PALLD: variants seen among roughly 807,000 people sequenced by gnomAD.
PALLD encodes the protein palladin, cytoskeletal associated protein, also known as palladin.
PALLD carries 61 observed loss-of-function variants against 123.5 expected under a neutral mutation model. The ratio of observed to expected loss-of-function variants is 0.49; its 90% CI spans 0.40 to 0.61. PALLD has a LOEUF of 0.61. Ranked by LOEUF, PALLD falls within the 20% of genes least tolerant of loss-of-function variation. The pLI is 0.00. For missense variants in PALLD, 1,273 were observed against 1,377.0 expected (o/e 0.92, Z 1.20); for synonymous variants, 465 against 496.4 (o/e 0.94, Z 0.84).
chr4:168,619,088 G>C (rs976501464), intron 2 of PALLD, among the ~76,000 whole-genome samples: 4 of 152,188 alleles, frequency 2.6e-5, no homozygotes, highest in Admixed American at 6.5e-5. Flanking sequence ...GTCTGTATCA[G>C]GCACTGAGCT....
intron 2 of PALLD, among the ~76,000 whole-genome samples, chr4:168,578,166 C>G (rs755572404): frequency 1.3e-5 from 2 of 152,042 alleles, no homozygotes; most frequent in East Asian, 3.9e-4. Context: ...AGCAATTTCC[C>G]TGGACATACA....
rs141805529 is a variant in PALLD, at chr4:168,834,862, GTTGCATTT to G, written c.1965-56046_1965-56039del. 8.2e-3 allele frequency among the ~76,000 whole-genome samples: 1,254 copies of G among 152,318 alleles called. 54 individuals carry two copies. The East Asian group carries it at 0.14, about 17-fold the overall frequency. On this transcript the variant is annotated intron_variant, in intron 10 of 21. Coordinates refer to ENST00000505667, the MANE Select transcript of PALLD (RefSeq NM_001166108.2). ...ATTATTTGGACTACCTTTGAGGGTA[GTTGCATTT>G]TTGCATTTTTGCAAAATATTATTTT... is the stretch of plus-strand genomic sequence containing the variant.
intron 3 of PALLD, among the ~76,000 whole-genome samples, chr4:168,671,692 G>A (rs1449068107): frequency 6.6e-6 from 1 of 152,150 alleles, no homozygotes; most frequent in Non-Finnish European, 1.5e-5. Flanking sequence ...AAGTGGGAGA[G>A]AACCTCAGAT....
In PALLD at chr4:168,533,381, A is replaced by G. The variant is rs1280325153; in HGVS notation, c.908+20969A>G. The stretch of plus-strand genomic sequence containing the variant: ...GGAAGAACCTACAGTAATAGAAATT[A>G]GGGGCCTGAATCAAGGAATGTTTTG... On this transcript the variant is annotated intron_variant, in intron 2 of 21. Coordinates refer to ENST00000505667, the MANE Select transcript of PALLD (RefSeq NM_001166108.2). Among the ~76,000 whole-genome samples the G allele has an allele frequency of 1.1e-4, 16 of 152,196 alleles. 1 individual carries two copies. The highest frequency in any genetic ancestry group is 9.2e-4 in the Admixed American group (14 of 15,280).
chr4:168,700,098 A>T (rs1783533840), intron 8 of PALLD: 1 of 300,502 alleles, frequency 3.3e-6, no homozygotes, highest in Non-Finnish European at 6.7e-6. Flanking sequence ...TCATTTCCTC[A>T]TGGCTTTCTT....
chr4:168,544,783 C>A (rs1290061876), intron 2 of PALLD, among the ~76,000 whole-genome samples: 1 of 152,100 alleles, frequency 6.6e-6, no homozygotes, highest in Non-Finnish European at 1.5e-5. Flanking sequence ...CATGAGCTAG[C>A]CCACCCTAAC....
chr4:168,774,011 A>G (rs1734806688), intron 10 of PALLD, among the ~76,000 whole-genome samples: 1 of 151,444 alleles, frequency 6.6e-6, no homozygotes, highest in Non-Finnish European at 1.5e-5. Flanking sequence ...AAATGTGCCT[A>G]TCATAAGCTG....
chr4:168,529,385 C>T (rs1764387353), intron 2 of PALLD, among the ~76,000 whole-genome samples: 1 of 152,082 alleles, frequency 6.6e-6, no homozygotes, highest in African/African-American at 2.4e-5. Context: ...TGACTCCCTC[C>T]CTCAGTCATG....
intron 10 of PALLD, among the ~76,000 whole-genome samples, chr4:168,825,024 C>T (rs541366591): frequency 1.3e-5 from 2 of 151,890 alleles, no homozygotes; most frequent in East Asian, 1.9e-4. Context: ...CCATGTTGCC[C>T]AGGCTGGTCT....
intron 10 of PALLD, among the ~76,000 whole-genome samples, chr4:168,825,655 G>T (rs528775793): frequency 6.6e-6 from 1 of 152,132 alleles, no homozygotes; most frequent in Non-Finnish European, 1.5e-5. Flanking sequence ...GGAGTCCATG[G>T]TTTCCTTTGA....
chr4:168,697,031 A>G (rs527612557), intron 8 of PALLD, among the ~76,000 whole-genome samples: 4 of 152,322 alleles, frequency 2.6e-5, no homozygotes, highest in Admixed American at 2.0e-4. Context: ...AATTTCCAGG[A>G]CAAGGAGATC....
In PALLD at chr4:168,791,626, G is replaced by A. The variant is rs117017855; in HGVS notation, c.1964+79703G>A. Among the ~76,000 whole-genome samples the A allele has an allele frequency of 6.0e-3, 920 of 152,244 alleles. 19 individuals carry two copies. Among genetic ancestry groups the A allele is most frequent in the East Asian group, 0.033 (173 of 5,176 alleles). On this transcript the variant is annotated intron_variant, in intron 10 of 21. Coordinates refer to ENST00000505667, the MANE Select transcript of PALLD (RefSeq NM_001166108.2). The stretch of plus-strand genomic sequence containing the variant: ...CTCCACCTGGTCTCTCCCTTGACAC[G>A]TAAGGATTATGGGGATTACAATTCA...
intron 1 of PALLD, among the ~76,000 whole-genome samples, chr4:168,509,295 T>A (rs1762310533): frequency 6.6e-6 from 1 of 152,218 alleles, no homozygotes; most frequent in African/African-American, 2.4e-5. Flanking sequence ...CATATCAGCA[T>A]GCCTGATTGC....
chr4:168,657,715 G>C (rs189711145), intron 2 of PALLD, among the ~76,000 whole-genome samples: 5 of 152,198 alleles, frequency 3.3e-5, no homozygotes, highest in African/African-American at 1.2e-4. Flanking sequence ...CTGAGACTAG[G>C]CATGTTCAAA....
chr4:168,776,560 G>T (rs1215387031), intron 10 of PALLD, among the ~76,000 whole-genome samples: 1 of 152,192 alleles, frequency 6.6e-6, no homozygotes, highest in Non-Finnish European at 1.5e-5. Flanking sequence ...GGTGAGAGCA[G>T]ATCCTTGCCT....
intron 10 of PALLD, among the ~76,000 whole-genome samples, chr4:168,732,839 A>G (rs1359928007): frequency 6.6e-6 from 1 of 152,202 alleles, no homozygotes; most frequent in Non-Finnish European, 1.5e-5. Flanking sequence ...TGCTCCCTTT[A>G]AAATATTTCA....
At chr4:168,688,382 G>A (rs1199485860) in intron 6 of PALLD, among the ~76,000 whole-genome samples, 1 of 152,208 alleles carries the variant, frequency 6.6e-6, no homozygotes, top group East Asian at 1.9e-4. Flanking sequence ...GCAGACTGGT[G>A]GACCACAGGA....
chr4:168,658,285 G>T (rs28578080), intron 2 of PALLD, among the ~76,000 whole-genome samples: 54,107 of 131,218 alleles, frequency 0.41, 11,019 homozygotes, highest in Admixed American at 0.47. Context: ...TTTTTATTTG[G>T]TTTTTTTTTT....
intron 15 of PALLD, 103 bp from the exon 16 acceptor site, chr4:168,913,824 T>C: frequency 1.2e-6 from 1 of 850,440 alleles, no homozygotes; most frequent in East Asian, 2.5e-5. Flanking sequence ...TACTGAATTT[T>C]TTATGAAATA....
Sources: gnomAD v4.1 joint callset for allele counts (sites outside exome capture counted in the v4.1 genomes callset) on GRCh38, gnomAD v4.1.1 for gene constraint, MANE v1.5 for transcripts, NCBI Gene and HGNC (gene_info 2026-07-23, HGNC 2026-07-21) for gene names.